DLGAP1: variants seen among roughly 807,000 people sequenced by gnomAD.
DLGAP1 encodes DLG associated protein 1.
Under a neutral mutation model 90.8 loss-of-function variants are expected in DLGAP1, and 11 were observed. That is an observed-to-expected ratio of 0.12 (90% CI 0.08 to 0.20). DLGAP1 has a LOEUF of 0.20. DLGAP1 is among the 10% of genes least tolerant of loss of function. The pLI, the probability that DLGAP1 is intolerant of heterozygous loss-of-function variation, is 1.00. For missense variants in DLGAP1, 1,050 were observed against 1,333.8 expected, an observed-to-expected ratio of 0.79 and a Z score of 3.31; for synonymous variants, 558 against 540.7, an observed-to-expected ratio of 1.03 and a Z score of -0.44.
At chr18:3,523,771 T>C (rs1025136925) in intron 10 of DLGAP1, among the ~76,000 whole-genome samples, 25 of 148,594 alleles carry the variant, frequency 1.7e-4, no homozygotes, top group East Asian at 4.0e-4. Flanking sequence ...TGGTGTGAAC[T>C]CAGAAGGCGG....
chr18:4,071,611 A>G (rs2075448261), intron 2 of DLGAP1, among the ~76,000 whole-genome samples: 1 of 152,172 alleles, frequency 6.6e-6, no homozygotes, highest in Non-Finnish European at 1.5e-5. Flanking sequence ...CTCTAATAAT[A>G]GTCCCATTAT....
At chr18:4,219,340 C>T (rs1453656571) in intron 1 of DLGAP1, among the ~76,000 whole-genome samples, 3 of 151,568 alleles carry the variant, frequency 2.0e-5, no homozygotes, top group Non-Finnish European at 1.5e-5. Context: ...TGTTTTCTTG[C>T]CATTGAGTTG....
At chr18:4,373,759 C>A (rs2081963919) in intron 1 of DLGAP1, among the ~76,000 whole-genome samples, 1 of 152,146 alleles carries the variant, frequency 6.6e-6, no homozygotes, top group Non-Finnish European at 1.5e-5. Flanking sequence ...ATTCCCCACT[C>A]AGCCAAAGAA....
intron 9 of DLGAP1, among the ~76,000 whole-genome samples, chr18:3,539,135 A>G (rs1476291482): frequency 6.6e-6 from 1 of 152,210 alleles, no homozygotes; most frequent in Admixed American, 6.5e-5. Flanking sequence ...TGCTCTACAA[A>G]ATGATTTATG....
chr18:3,750,787 GT>G (rs1362432386), intron 5 of DLGAP1, among the ~76,000 whole-genome samples: 1 of 152,184 alleles, frequency 6.6e-6, no homozygotes, highest in Non-Finnish European at 1.5e-5. Context: ...GCCCTCGCAA[GT>G]TTCATCTTTG....
At chr18:3,673,205 T>C (rs1434433252) in intron 7 of DLGAP1, among the ~76,000 whole-genome samples, 4 of 152,176 alleles carry the variant, frequency 2.6e-5, no homozygotes, top group African/African-American at 9.7e-5. Context: ...CAGTTTCTTT[T>C]CACATTCAGG....
chr18:3,856,664 A>T (rs2148712147), intron 4 of DLGAP1, among the ~76,000 whole-genome samples: 1 of 152,292 alleles, frequency 6.6e-6, no homozygotes, highest in South Asian at 2.1e-4. Context: ...GATCGAGACC[A>T]TCCTGGCTAA....
At chr18:4,259,245 G>T (rs1339859250) in intron 1 of DLGAP1, among the ~76,000 whole-genome samples, 1 of 152,180 alleles carries the variant, frequency 6.6e-6, no homozygotes, top group East Asian at 1.9e-4. Context: ...AGAAGAAAGG[G>T]AATCTGAGAA....
intron 4 of DLGAP1, among the ~76,000 whole-genome samples, chr18:3,858,493 TGTATATATAC>T (rs2069802331): frequency 7.1e-6 from 1 of 141,140 alleles, no homozygotes; most frequent in Admixed American, 7.1e-5. Flanking sequence ...TATATATACG[TGTATATATAC>T]ATATATATAC....
chr18:4,083,626 C>T (rs1480195518), intron 2 of DLGAP1, among the ~76,000 whole-genome samples: 1 of 152,122 alleles, frequency 6.6e-6, no homozygotes, highest in Non-Finnish European at 1.5e-5. Context: ...GATCCATTTC[C>T]TTGTTGCTGA....
At chr18:3,522,135 C>CTTTTTTTTT (rs11374414) in intron 10 of DLGAP1, among the ~76,000 whole-genome samples, 2 of 98,246 alleles carry the variant, frequency 2.0e-5, no homozygotes, top group Non-Finnish European at 1.9e-5. Context: ...TTCTTTCTTG[C>CTTTTTTTTT]TTTTTTTTTT....
At chr18:3,796,848 A>G (rs2066014506) in intron 5 of DLGAP1, among the ~76,000 whole-genome samples, 1 of 152,214 alleles carries the variant, frequency 6.6e-6, no homozygotes, top group South Asian at 2.1e-4. Flanking sequence ...CGACCCTTCC[A>G]TGAGCTATTA....
chr18:4,207,216 A>G (rs2077737824), intron 1 of DLGAP1, among the ~76,000 whole-genome samples: 1 of 152,142 alleles, frequency 6.6e-6, no homozygotes, highest in South Asian at 2.1e-4. Flanking sequence ...GGCCTCAGGG[A>G]ACTTACAACA....
intron 2 of DLGAP1, among the ~76,000 whole-genome samples, chr18:4,128,588 G>C (rs1353421309): frequency 6.6e-6 from 1 of 152,146 alleles, no homozygotes; most frequent in South Asian, 2.1e-4. Context: ...CAGTACACAG[G>C]AAGGCATGAA....
intron 7 of DLGAP1, among the ~76,000 whole-genome samples, chr18:3,677,097 A>G (rs2060332291): frequency 6.6e-6 from 1 of 152,116 alleles, no homozygotes; most frequent in Admixed American, 6.5e-5. Flanking sequence ...TTTCTATCCC[A>G]TCCTCTGAGA....
At chr18:4,380,013 G>A (rs921355324) in intron 1 of DLGAP1, among the ~76,000 whole-genome samples, 5 of 152,108 alleles carry the variant, frequency 3.3e-5, no homozygotes, top group African/African-American at 1.2e-4. Flanking sequence ...CAATCTCATG[G>A]AGAAATAAAA....
chr18:3,798,025 G>A (rs2066093173), intron 5 of DLGAP1, among the ~76,000 whole-genome samples: 1 of 152,104 alleles, frequency 6.6e-6, no homozygotes, highest in Non-Finnish European at 1.5e-5. Flanking sequence ...ATGATTGTGA[G>A]GCCTCCCCAG....
intron 5 of DLGAP1, among the ~76,000 whole-genome samples, chr18:3,764,352 A>G (rs116730552): frequency 1.8e-3 from 267 of 152,332 alleles, no homozygotes; most frequent in African/African-American, 6.2e-3. Flanking sequence ...CTTTGGTAAC[A>G]CCAGTGATCA....
chr18:3,750,159 G>A (rs1303497428), intron 5 of DLGAP1, among the ~76,000 whole-genome samples: 1 of 152,152 alleles, frequency 6.6e-6, no homozygotes, highest in East Asian at 1.9e-4. Flanking sequence ...AGAGTCTGTT[G>A]TTGCCATCTT....
Sources: gnomAD v4.1 joint callset for allele counts (sites outside exome capture counted in the v4.1 genomes callset) on GRCh38, gnomAD v4.1.1 for gene constraint, MANE v1.5 for transcripts, NCBI Gene and HGNC (gene_info 2026-07-23, HGNC 2026-07-21) for gene names.